The following KCNMB2 variants were observed in gnomAD, a reference collection of about 807,000 sequenced individuals.
KCNMB2 encodes potassium calcium-activated channel subfamily M regulatory beta subunit 2.
In KCNMB2, 9 loss-of-function variants were observed where a neutral mutation model predicts 24.5. That is an observed-to-expected ratio of 0.37 (90% CI 0.22 to 0.64). The LOEUF is 0.64. KCNMB2 is among the 30% of genes least tolerant of loss of function. The probability of loss-of-function intolerance (pLI) is 0.63; values close to 1 mark genes in which losing one functional copy is unlikely to be tolerated. For synonymous variants in KCNMB2, 109 were observed against 104.4 expected (o/e 1.04, Z -0.27); for missense variants, 226 against 284.3 (o/e 0.79, Z 1.47).
At chr3:178,805,239 C>CA (rs1713919222) in intron 1 of KCNMB2, among the ~76,000 whole-genome samples, 1 of 152,136 alleles carries the variant, frequency 6.6e-6, no homozygotes, top group African/African-American at 2.4e-5. Context: ...GATGCTGACC[C>CA]AAGGGTTATA....
rs959488620 is a variant in KCNMB2, at chr3:178,746,727, C to T, written c.-67-60616C>T. On this transcript the variant is annotated intron_variant, in intron 1 of 4. Transcript: ENST00000452583. ...TTCCACCAGATAACCTAAATCATCT[C>T]TCTCAAGTTCAAAGTTCCACAGATC... Among the ~76,000 whole-genome samples the T allele has an allele frequency of 4.6e-5, 7 of 152,338 alleles. No individual in the cohort carries two copies. In the South Asian group the frequency reaches 1.0e-3, roughly 23 times the overall value.
chr3:178,660,993 A>ATTAT (rs1553829585), intron 1 of KCNMB2, among the ~76,000 whole-genome samples: 5 of 149,920 alleles, frequency 3.3e-5, no homozygotes, highest in African/African-American at 4.9e-5. Flanking sequence ...ACATATATAT[A>ATTAT]TATTATTATT....
At chr3:178,692,703 C>T (rs1721725867) in intron 1 of KCNMB2, among the ~76,000 whole-genome samples, 1 of 152,028 alleles carries the variant, frequency 6.6e-6, no homozygotes, top group African/African-American at 2.4e-5. Context: ...ATACCTTTTG[C>T]TTAGGATTGT....
At chr3:178,560,151 TAGTC>T (rs1350029682) in intron 1 of KCNMB2, among the ~76,000 whole-genome samples, 1 of 150,842 alleles carries the variant, frequency 6.6e-6, no homozygotes, top group Non-Finnish European at 1.5e-5. Flanking sequence ...GGCAAGTAAT[TAGTC>T]AGTTCATTTG....
chr3:178,701,304 C>G (rs1722083580), intron 1 of KCNMB2, among the ~76,000 whole-genome samples: 1 of 152,106 alleles, frequency 6.6e-6, no homozygotes, highest in African/African-American at 2.4e-5. Context: ...CTGTTCTGTT[C>G]CATTAGTCTA....
intron 1 of KCNMB2, chr3:178,537,478 A>G (rs1715448785): frequency 6.6e-6 from 1 of 152,242 alleles, no homozygotes; most frequent in Non-Finnish European, 1.5e-5. Flanking sequence ...TTAAATGAAC[A>G]GCATAAAAAC....
At chr3:178,632,944 AG>A (rs1220079462) in intron 1 of KCNMB2, among the ~76,000 whole-genome samples, 1 of 152,214 alleles carries the variant, frequency 6.6e-6, no homozygotes, top group African/African-American at 2.4e-5. Context: ...TTCAAAACAA[AG>A]GGGCTACAGG....
intron 1 of KCNMB2, among the ~76,000 whole-genome samples, chr3:178,614,388 G>T (rs1718631366): frequency 2.1e-5 from 3 of 143,508 alleles, no homozygotes; most frequent in African/African-American, 7.7e-5. Context: ...GTTCCACATG[G>T]CTGGGGAGGC....
At chr3:178,625,232 C>T (rs73042339) in intron 1 of KCNMB2, among the ~76,000 whole-genome samples, 26,488 of 152,044 alleles carry the variant, frequency 0.17, 2,353 homozygotes, top group East Asian at 0.24. Flanking sequence ...TGCCACAGGG[C>T]TTGAGGAGGG....
chr3:178,791,597 C>T (rs973564101), intron 1 of KCNMB2, among the ~76,000 whole-genome samples: 2 of 151,970 alleles, frequency 1.3e-5, no homozygotes, highest in Non-Finnish European at 2.9e-5. Flanking sequence ...AAATCCCAAA[C>T]CTAGAGAAAG....
At chr3:178,787,973 T>A (rs533668296) in intron 1 of KCNMB2, among the ~76,000 whole-genome samples, 1 of 152,280 alleles carries the variant, frequency 6.6e-6, no homozygotes, top group African/African-American at 2.4e-5. Flanking sequence ...AAGGTTACTG[T>A]CAGATGCATA....
intron 1 of KCNMB2, among the ~76,000 whole-genome samples, chr3:178,598,367 G>A (rs556803192): frequency 6.6e-6 from 1 of 152,066 alleles, no homozygotes; most frequent in South Asian, 2.1e-4. Flanking sequence ...TATAGAGATA[G>A]AGTGACCAGA....
chr3:178,789,071 T>C (rs780785943), intron 1 of KCNMB2, among the ~76,000 whole-genome samples: 1 of 152,210 alleles, frequency 6.6e-6, no homozygotes, highest in African/African-American at 2.4e-5. Flanking sequence ...CAGTTTACCA[T>C]TGCTCAGTGA....
chr3:178,743,490 G>A lies in KCNMB2; in HGVS notation c.-67-63853G>A, dbSNP rs35810993. 2.5e-3 allele frequency among the ~76,000 whole-genome samples: 382 copies of A among 152,208 alleles called. 2 individuals are homozygous for A. The highest frequency in any genetic ancestry group is 6.8e-3 in the Middle Eastern group (2 of 294). On this transcript the variant is annotated intron_variant, in intron 1 of 4. Transcript: ENST00000452583. ...AGAAAAAGCAAGCATATACTCCCACGTGCTACTACAAGTGGCCTGACTCCC... is the reference window on the plus strand; with the variant it reads ...AGAAAAAGCAAGCATATACTCCCACATGCTACTACAAGTGGCCTGACTCCC...
chr3:178,706,950 T>C (rs1368216148), intron 1 of KCNMB2, among the ~76,000 whole-genome samples: 1 of 152,142 alleles, frequency 6.6e-6, no homozygotes, highest in Non-Finnish European at 1.5e-5. Context: ...ATGGCACATG[T>C]ATACCTATGT....
rs1200075689 is a variant in KCNMB2 at position 178,578,223 on chromosome 3, T to A, written c.-68+41512T>A. ...GCCAGAATAGAGTGGGGGCCAATAT[T>A]CAACACTCTTACAGAAAAGAATTTT... On this transcript the variant is annotated intron_variant, in intron 1 of 4. Coordinates refer to ENST00000452583, the MANE Select transcript of KCNMB2 (RefSeq NM_181361.3). Among the ~76,000 whole-genome samples the A allele has an allele frequency of 3.9e-5, 6 of 152,310 alleles. No homozygotes were observed. In the South Asian group the frequency reaches 8.3e-4, roughly 21 times the overall value.
chr3:178,607,211 A>G (rs1718303308), intron 1 of KCNMB2, among the ~76,000 whole-genome samples: 1 of 152,208 alleles, frequency 6.6e-6, no homozygotes, highest in South Asian at 2.1e-4. Context: ...ATTCGGGTGT[A>G]AAAAACATCG....
chr3:178,672,815 G>A (rs1451518928), intron 1 of KCNMB2, among the ~76,000 whole-genome samples: 1 of 152,068 alleles, frequency 6.6e-6, no homozygotes, highest in Non-Finnish European at 1.5e-5. Flanking sequence ...TTCCAAAACC[G>A]CTCTCCTCTA....
At chr3:178,650,526 T>C (rs182489964) in intron 1 of KCNMB2, among the ~76,000 whole-genome samples, 10,970 of 151,986 alleles carry the variant, frequency 0.072, 503 homozygotes, top group Middle Eastern at 0.2. Flanking sequence ...GTACTCCTTC[T>C]GAACTACAGG....
Sources: allele counts gnomAD v4.1 joint callset (sites outside exome capture counted in the v4.1 genomes callset), GRCh38; gene constraint gnomAD v4.1.1; transcripts MANE v1.5; gene names NCBI Gene and HGNC (gene_info 2026-07-23, HGNC 2026-07-21).